The following ATP6V1H variants were observed in gnomAD, a reference collection of about 807,000 sequenced individuals.
The protein encoded by ATP6V1H is V-type proton ATPase subunit H.
A neutral mutation model predicts 71.7 loss-of-function variants in ATP6V1H; 39 were observed. The observed-to-expected ratio is 0.54, with a 90% CI of 0.42 to 0.71. The LOEUF is 0.71. ATP6V1H is among the 30% of genes least tolerant of loss of function. ATP6V1H has a pLI of 0.00. For missense variants in ATP6V1H, 509 were observed against 594.9 expected, an observed-to-expected ratio of 0.86 and a Z score of 1.50; for synonymous variants, 192 against 199.3, an observed-to-expected ratio of 0.96 and a Z score of 0.31.
At chr8:53,784,520 G>C (rs1585784640) in intron 9 of ATP6V1H, among the ~76,000 whole-genome samples, 1 of 152,166 alleles carries the variant, frequency 6.6e-6, no homozygotes, top group Non-Finnish European at 1.5e-5. Context: ...TTTAATTGGA[G>C]CATTTAGCCC....
chr8:53,730,662 CAGAAAGAGAG>C (rs1229742565), intron 13 of ATP6V1H, among the ~76,000 whole-genome samples: 1 of 152,036 alleles, frequency 6.6e-6, no homozygotes, highest in Non-Finnish European at 1.5e-5. Context: ...TCAAGCAGCT[CAGAAAGAGAG>C]AGAAAGAGAA....
At chr8:53,775,951 G>C (rs1490248326) in intron 9 of ATP6V1H, among the ~76,000 whole-genome samples, 1 of 152,252 alleles carries the variant, frequency 6.6e-6, no homozygotes, top group South Asian at 2.1e-4. Flanking sequence ...GGAGCAGGGG[G>C]CGGTGCTCAT....
intron 2 of ATP6V1H, among the ~76,000 whole-genome samples, chr8:53,838,431 CTT>C (rs768669861): frequency 9.7e-4 from 148 of 152,222 alleles, no homozygotes; most frequent in African/African-American, 2.9e-3. Context: ...CTGTGAGTGT[CTT>C]TATGCGTTCT....
intron 2 of ATP6V1H, among the ~76,000 whole-genome samples, chr8:53,834,821 A>C (rs925117518): frequency 2.0e-5 from 3 of 151,914 alleles, no homozygotes; most frequent in African/African-American, 7.3e-5. Flanking sequence ...CACTCAGAGA[A>C]ACACTGAATG....
intron 5 of ATP6V1H, among the ~76,000 whole-genome samples, chr8:53,816,116 T>C (rs1419696766): frequency 1.3e-5 from 2 of 152,220 alleles, no homozygotes; most frequent in Non-Finnish European, 2.9e-5. Flanking sequence ...TACAGTTTAT[T>C]TCATCAGTCC....
intron 7 of ATP6V1H, 82 bp from the exon 8 acceptor site, chr8:53,801,978 C>A: frequency 1.6e-6 from 2 of 1,230,944 alleles, no homozygotes; most frequent in South Asian, 2.8e-5. Context: ...AATGAAAAGT[C>A]AGATTACCTA....
rs369794875 is a variant in ATP6V1H, at chr8:53,743,698, C to T, written c.1278-8G>A. On this transcript the variant is annotated splice_polypyrimidine_tract_variant and splice_region_variant and intron_variant, in intron 12 of 13. Coordinates refer to ENST00000359530, the MANE Select transcript of ATP6V1H (RefSeq NM_015941.4). Reference sequence around the variant, plus strand: ...CCGAGCTGCTCGATGACCCTGCAAACGGGAGAGACGTGGTGAGGAAGATGC... The same window carrying T: ...CCGAGCTGCTCGATGACCCTGCAAATGGGAGAGACGTGGTGAGGAAGATGC... The T allele has an allele frequency of 7.6e-5, 121 of 1,593,146 alleles. No individual in the cohort carries two copies. Among genetic ancestry groups the T allele is most frequent in the Admixed American group, 8.5e-5 (5 of 59,014 alleles).
chr8:53,813,374 T>C (rs1810348169), intron 6 of ATP6V1H, among the ~76,000 whole-genome samples: 1 of 152,204 alleles, frequency 6.6e-6, no homozygotes, highest in Non-Finnish European at 1.5e-5. Flanking sequence ...TACAGTGTCT[T>C]TCTTATGCCT....
chr8:53,797,417 T>C (rs1244567073), intron 8 of ATP6V1H, among the ~76,000 whole-genome samples: 1 of 152,188 alleles, frequency 6.6e-6, no homozygotes, highest in African/African-American at 2.4e-5. Flanking sequence ...TCACATTTCC[T>C]CAAAGATGTC....
intron 9 of ATP6V1H, among the ~76,000 whole-genome samples, chr8:53,772,928 CAG>C (rs1288467781): frequency 9.9e-5 from 10 of 101,088 alleles, no homozygotes; most frequent in African/African-American, 4.0e-4. Context: ...AAAAACAAAA[CAG>C]TAACAATTAA....
intron 11 of ATP6V1H, among the ~76,000 whole-genome samples, chr8:53,757,025 T>A (rs1283763739): frequency 2.0e-5 from 3 of 152,218 alleles, no homozygotes; most frequent in Non-Finnish European, 4.4e-5. Flanking sequence ...CTGGGACAAG[T>A]GACTTTCAGT....
chr8:53,823,472 A>T (rs1044570011), intron 4 of ATP6V1H, among the ~76,000 whole-genome samples: 1 of 152,060 alleles, frequency 6.6e-6, no homozygotes, highest in Admixed American at 6.6e-5. Context: ...ATATATTTAA[A>T]TACTTAATTT....
At chr8:53,752,183 A>C (rs777598909) in intron 12 of ATP6V1H, among the ~76,000 whole-genome samples, 11 of 152,340 alleles carry the variant, frequency 7.2e-5, no homozygotes, top group Non-Finnish European at 1.3e-4. Flanking sequence ...ATTTTTATTC[A>C]TAAGGAAAAA....
At chr8:53,839,455 A>C (rs1811275412) in intron 2 of ATP6V1H, among the ~76,000 whole-genome samples, 2 of 152,064 alleles carry the variant, frequency 1.3e-5, no homozygotes, top group Admixed American at 1.3e-4. Flanking sequence ...CCCCACAATA[A>C]CCCAGTTCCT....
chr8:53,755,574 T>C (rs934778588), intron 12 of ATP6V1H, among the ~76,000 whole-genome samples: 1 of 148,262 alleles, frequency 6.7e-6, no homozygotes, highest in South Asian at 2.2e-4. Flanking sequence ...TTCATTCATC[T>C]CTGTAAGTAC....
intron 9 of ATP6V1H, among the ~76,000 whole-genome samples, chr8:53,773,000 T>A (rs904366224): frequency 6.6e-6 from 1 of 151,082 alleles, no homozygotes; most frequent in Non-Finnish European, 1.5e-5. Context: ...CTATCCCTAA[T>A]AATAAGGCTG....
At chr8:53,793,601 C>T (rs116976627) in intron 9 of ATP6V1H, among the ~76,000 whole-genome samples, 781 of 151,924 alleles carry the variant, frequency 5.1e-3, no homozygotes, top group Non-Finnish European at 8.3e-3. Flanking sequence ...GCTATGATCA[C>T]GCCACTCCAC....
In ATP6V1H at chr8:53,814,785, T is replaced by C. The variant is rs1365531042; in HGVS notation, c.421-19A>G. ...TTGCTGCCTGAAAACAAATAAGAGATACATTTAACGCAACATTAATTCTAA... is the reference window on the plus strand; with the variant it reads ...TTGCTGCCTGAAAACAAATAAGAGACACATTTAACGCAACATTAATTCTAA... On this transcript the variant is annotated intron_variant, in intron 5 of 13. Transcript: ENST00000359530. 5.9e-6 allele frequency: 9 copies of C among 1,523,800 alleles called. No individual in the cohort carries two copies. Among genetic ancestry groups the C allele is most frequent in the Non-Finnish European group, 8.2e-6 (9 of 1,101,248 alleles). 94.4% of individuals were successfully genotyped at this position (1,523,800 alleles called of 1,614,324 possible).
chr8:53,768,154 T>C (rs1475738972), intron 11 of ATP6V1H, among the ~76,000 whole-genome samples: 1 of 152,130 alleles, frequency 6.6e-6, no homozygotes, highest in Non-Finnish European at 1.5e-5. Context: ...AAAGTAGATA[T>C]ACAAATGGCC....
Sources: gnomAD v4.1 joint callset for allele counts (sites outside exome capture counted in the v4.1 genomes callset) on GRCh38, gnomAD v4.1.1 for gene constraint, MANE v1.5 for transcripts, NCBI Gene and HGNC (gene_info 2026-07-23, HGNC 2026-07-21) for gene names.